MDGA2: variants seen among roughly 807,000 people sequenced by gnomAD.
MDGA2 encodes the protein MAM domain-containing glycosylphosphatidylinositol anchor protein 2.
MDGA2 carries 40 observed loss-of-function variants against 117.8 expected under a neutral mutation model. The observed-to-expected ratio is 0.34, with a 90% confidence interval of 0.26 to 0.44. The LOEUF (loss-of-function observed/expected upper bound fraction) is 0.44, where lower values mean the gene tolerates loss of function less well. Among genes scored for constraint, MDGA2 ranks in the 20% least tolerant of loss-of-function variants. MDGA2 has a pLI of 1.00. For missense variants in MDGA2, 1,123 were observed against 1,250.6 expected, an observed-to-expected ratio of 0.90 and a Z score of 1.54; for synonymous variants, 452 against 439.0, an observed-to-expected ratio of 1.03 and a Z score of -0.37.
intron 1 of MDGA2, among the ~76,000 whole-genome samples, chr14:47,534,146 A>G (rs2138738965): frequency 6.6e-6 from 1 of 152,280 alleles, no homozygotes; most frequent in South Asian, 2.1e-4. Flanking sequence ...CAGTGAGCTA[A>G]TTTTGGTTAG....
chr14:47,243,246 G>C (rs1682561111), intron 2 of MDGA2, among the ~76,000 whole-genome samples: 1 of 151,426 alleles, frequency 6.6e-6, no homozygotes, highest in African/African-American at 2.4e-5. Flanking sequence ...AATCTGGTGG[G>C]GATGTGGAGA....
chr14:46,868,212 A>G (rs1467972361), intron 14 of MDGA2, among the ~76,000 whole-genome samples: 1 of 152,038 alleles, frequency 6.6e-6, no homozygotes, highest in Non-Finnish European at 1.5e-5. Flanking sequence ...AAAGGAGCAG[A>G]GAAGATAGGA....
At chr14:46,914,100 GTAAT>G (rs1231225730) in intron 10 of MDGA2, among the ~76,000 whole-genome samples, 1 of 152,070 alleles carries the variant, frequency 6.6e-6, no homozygotes, top group African/African-American at 2.4e-5. Flanking sequence ...ATTTAAAACT[GTAAT>G]TGTGTACATT....
Position 47,173,454 on chromosome 14 carries a change from GCAGAAATT to G in MDGA2, c.596-29188_596-29181del, listed in dbSNP as rs1246526674. On this transcript the variant is annotated intron_variant, in intron 3 of 16. Transcript: ENST00000399232. The stretch of plus-strand genomic sequence containing the variant: ...CATCAGACTAACAGCGGATCTCTCG[GCAGAAATT>G]CTACAAGCCAGAAGAGAGTGGAGGC... Among the ~76,000 whole-genome samples the G allele has an allele frequency of 5.9e-5, 9 of 152,304 alleles. No homozygotes were observed. The South Asian group carries it at 1.9e-3, about 32-fold the overall frequency.
chr14:47,179,132 G>T (rs1187845447), intron 3 of MDGA2, among the ~76,000 whole-genome samples: 1 of 151,874 alleles, frequency 6.6e-6, no homozygotes, highest in African/African-American at 2.4e-5. Context: ...AACTGACTGT[G>T]ACCAAAACTC....
chr14:47,411,605 T>A (rs1279643708), intron 1 of MDGA2, among the ~76,000 whole-genome samples: 1 of 152,122 alleles, frequency 6.6e-6, no homozygotes, highest in South Asian at 2.1e-4. Context: ...AAATGTTATA[T>A]AGGACCAGAA....
At chr14:47,052,778 T>C (rs1372758231) in intron 7 of MDGA2, among the ~76,000 whole-genome samples, 1 of 151,894 alleles carries the variant, frequency 6.6e-6, no homozygotes, top group Non-Finnish European at 1.5e-5. Flanking sequence ...ACCTGTGGCT[T>C]GTTTAAGAAG....
intron 9 of MDGA2, among the ~76,000 whole-genome samples, chr14:46,950,282 A>C (rs1885324176): frequency 6.6e-6 from 1 of 151,886 alleles, no homozygotes; most frequent in South Asian, 2.1e-4. Context: ...TTCCTTTATC[A>C]TCACTACTAA....
chr14:47,147,007 C>A (rs1202153912), intron 3 of MDGA2, among the ~76,000 whole-genome samples: 1 of 152,182 alleles, frequency 6.6e-6, no homozygotes, highest in African/African-American at 2.4e-5. Context: ...TTAGAAATTT[C>A]TAAGTGTTTT....
intron 11 of MDGA2, among the ~76,000 whole-genome samples, chr14:46,881,407 AT>A (rs2138388811): frequency 6.6e-6 from 1 of 152,276 alleles, no homozygotes; most frequent in South Asian, 2.1e-4. Context: ...CAGTGAAACT[AT>A]TCTGTGTGAT....
At chr14:47,569,708 C>T (rs570481916) in intron 1 of MDGA2, among the ~76,000 whole-genome samples, 11 of 152,318 alleles carry the variant, frequency 7.2e-5, no homozygotes, top group Non-Finnish European at 1.6e-4. Flanking sequence ...ATTACTACAG[C>T]TCACAGTGTC....
At chr14:47,650,675 T>C (rs1160007940) in intron 1 of MDGA2, among the ~76,000 whole-genome samples, 2 of 152,128 alleles carry the variant, frequency 1.3e-5, no homozygotes, top group African/African-American at 4.8e-5. Context: ...AACCTTGAAC[T>C]GGAATAAGCA....
intron 1 of MDGA2, among the ~76,000 whole-genome samples, chr14:47,454,606 A>G (rs530796311): frequency 3.1e-4 from 47 of 152,308 alleles, no homozygotes; most frequent in Non-Finnish European, 2.5e-4. Flanking sequence ...ATAAGCTTTT[A>G]CACATGTACC....
At chr14:46,986,984 A>G (rs569965407) in intron 8 of MDGA2, among the ~76,000 whole-genome samples, 1 of 152,198 alleles carries the variant, frequency 6.6e-6, no homozygotes, top group African/African-American at 2.4e-5. Flanking sequence ...ATGTCATTAC[A>G]GTGACACTCA....
intron 1 of MDGA2, among the ~76,000 whole-genome samples, chr14:47,637,773 T>C (rs1897350488): frequency 6.6e-6 from 1 of 152,250 alleles, no homozygotes; most frequent in African/African-American, 2.4e-5. Flanking sequence ...AGATTTCAGA[T>C]ATGATATACG....
At position 47,383,798 on chromosome 14, in the gene MDGA2, T is replaced by A. The variant is rs185157185; in HGVS notation, c.281-82248A>T. Among the ~76,000 whole-genome samples, 586 of 152,236 alleles carry A rather than the reference T, an allele frequency of 3.8e-3. 7 individuals carry two copies. The highest frequency in any genetic ancestry group is 0.013 in the African/African-American group (557 of 41,538). ...CCTCAGCCTCCCAAATTGCTGGTAT[T>A]ACTGGCGTGAACCACCACACCCGGA... On this transcript the variant is annotated intron_variant, in intron 1 of 16. Coordinates refer to ENST00000399232, the MANE Select transcript of MDGA2 (RefSeq NM_001113498.3).
intron 1 of MDGA2, among the ~76,000 whole-genome samples, chr14:47,651,279 T>C (rs536129030): frequency 1.3e-5 from 2 of 151,406 alleles, no homozygotes; most frequent in East Asian, 3.9e-4. Context: ...TACACACATA[T>C]CCTATTGGTT....
intron 8 of MDGA2, among the ~76,000 whole-genome samples, chr14:46,969,933 C>CATAT (rs1157465830): frequency 0.025 from 369 of 14,700 alleles, 4 homozygotes; most frequent in Non-Finnish European, 0.029. Context: ...TAAAGTATTC[C>CATAT]ATATATATAT....
At chr14:46,864,546 T>C (rs888528547) in intron 14 of MDGA2, among the ~76,000 whole-genome samples, 1 of 2,022 alleles carries the variant, frequency 4.9e-4, no homozygotes, top group Non-Finnish European at 8.9e-4. Flanking sequence ...GATATTGCTG[T>C]TTTTTTTTTT....
Sources: gnomAD v4.1 joint callset for allele counts (sites outside exome capture counted in the v4.1 genomes callset) on GRCh38, gnomAD v4.1.1 for gene constraint, MANE v1.5 for transcripts, NCBI Gene and HGNC (gene_info 2026-07-23, HGNC 2026-07-21) for gene names.